Variants in ZNF821 observed in about 807,000 individuals in gnomAD.
ZNF821 encodes zinc finger protein 821.
Under a neutral mutation model 44.3 loss-of-function variants are expected in ZNF821, and 16 were observed. The observed-to-expected ratio is 0.36, with a 90% CI of 0.24 to 0.55. The LOEUF (loss-of-function observed/expected upper bound fraction) is 0.55. Ranked by LOEUF, ZNF821 falls within the 20% of genes least tolerant of loss-of-function variation. The probability of loss-of-function intolerance (pLI) is 0.86; values close to 1 mark genes in which losing one functional copy is unlikely to be tolerated. For synonymous variants in ZNF821, 204 were observed against 197.6 expected (o/e 1.03, Z -0.27); for missense variants, 436 against 547.6 (o/e 0.80, Z 2.03).
At position 71,861,844 on chromosome 16, in the gene ZNF821, G is replaced by A. The variant is rs1354221220; in HGVS notation, c.516C>T (p.His172=). The change falls in exon 7 of 8, where the codon CAC becomes CAT. Residue 172 remains histidine, a synonymous_variant. Transcript: ENST00000425432. ...PGSLGRHLLI[H]SEDQRSNCAV... ...CACAGTTAGATCGCTGGTCCTCCGA[G>A]TGGATTAAGAGGTGGCGACCCAATG... is the stretch of plus-strand genomic sequence containing the variant. 1.2e-6 allele frequency: 2 copies of A among 1,614,178 alleles called. No individual in the cohort carries two copies. Among genetic ancestry groups the A allele is most frequent in the Admixed American group, 1.7e-5 (1 of 60,016 alleles).
At chr16:71,872,485 C>T (rs1057469548) in intron 3 of ZNF821, among the ~76,000 whole-genome samples, 4 of 151,986 alleles carry the variant, frequency 2.6e-5, no homozygotes, top group African/African-American at 4.8e-5. Flanking sequence ...TGGTGGCAGG[C>T]GCCTGTAGTC....
intron 4 of ZNF821, among the ~76,000 whole-genome samples, chr16:71,865,379 G>A (rs1246418419): frequency 6.6e-6 from 1 of 152,028 alleles, no homozygotes; most frequent in African/African-American, 2.4e-5. Flanking sequence ...ACCTTACACT[G>A]AGCTCATTCC....
chr16:71,879,941 G>A lies in ZNF821; in HGVS notation c.6C>T (p.Ser2=), dbSNP rs753231254. The change falls in exon 3 of 8, where the codon TCC becomes TCT. Residue 2 remains serine, a synonymous_variant. Coordinates refer to ENST00000425432, the MANE Select transcript of ZNF821 (RefSeq NM_001201552.2). M[S]RRKQTNPNKV... ...TATTTGGATTTGTCTGTTTCCGACG[G>A]GACATGTTTCCCTGATGCAAGAGCT... 3.7e-6 allele frequency: 6 copies of A among 1,612,992 alleles called. No homozygotes were observed. The highest frequency in any genetic ancestry group is 5.1e-6 in the Non-Finnish European group (6 of 1,179,582).
intron 5 of ZNF821, 87 bp from the exon 6 acceptor site, chr16:71,864,329 AG>A: frequency 1.8e-6 from 2 of 1,141,362 alleles, no homozygotes; most frequent in East Asian, 2.4e-5. Context: ...TCCTGTTAAA[AG>A]GAACCCAGAC....
At chr16:71,886,065 A>G (rs958299909), upstream of ZNF821, among the ~76,000 whole-genome samples, 2 of 152,204 alleles carry the variant, frequency 1.3e-5, no homozygotes, top group Non-Finnish European at 2.9e-5. Context: ...CCTCCAGTGA[A>G]ATTTCTTGGA....
upstream of ZNF821, among the ~76,000 whole-genome samples, chr16:71,889,586 G>A (rs565807566): frequency 1.2e-3 from 186 of 152,160 alleles, 1 homozygote; most frequent in Non-Finnish European, 1.8e-3. Context: ...AGGCAGGAAA[G>A]TCACTTGAAC....
intron 3 of ZNF821, 45 bp downstream of exon 3, chr16:71,879,862 C>G: frequency 6.3e-7 from 1 of 1,592,548 alleles, no homozygotes; most frequent in South Asian, 1.1e-5. Context: ...TTCCATTCCA[C>G]CCCTTAGCAT....
Position 71,859,918 on chromosome 16 carries a change from G to A in ZNF821, c.*100C>T, listed in dbSNP as rs978710192. On this transcript the variant is annotated 3_prime_UTR_variant, in exon 8 of 8. Coordinates refer to ENST00000425432, the MANE Select transcript of ZNF821 (RefSeq NM_001201552.2). ...AACCCAGGCCTGCCTCTGGCAGCAAGGACAGGGCCTCGTGGGTGGCAGCAG... is the reference window on the plus strand; with the variant it reads ...AACCCAGGCCTGCCTCTGGCAGCAAAGACAGGGCCTCGTGGGTGGCAGCAG... 8 of 1,339,942 alleles carry A rather than the reference G, an allele frequency of 6.0e-6. No homozygotes were observed. The African/African-American group carries it at 8.9e-5, about 15-fold the overall frequency. The allele number at this position is 1,339,942 out of a possible 1,614,324, so 83.0% of individuals were successfully genotyped here.
rs1179262051 is a variant in ZNF821 at position 71,859,897 on chromosome 16, C to G, written c.*121G>C. 8.4e-7 allele frequency: 1 copy of G among 1,190,552 alleles called. No homozygotes were observed. The highest frequency in any genetic ancestry group is 1.1e-6 in the Non-Finnish European group (1 of 874,858). The allele number at this position is 1,190,552 out of a possible 1,614,324, so 73.7% of individuals were successfully genotyped here. ...TGCTCAGGTCCACCTGCAATAAACCCAGGCCTGCCTCTGGCAGCAAGGACA... is the reference window on the plus strand; with the variant it reads ...TGCTCAGGTCCACCTGCAATAAACCGAGGCCTGCCTCTGGCAGCAAGGACA... On this transcript the variant is annotated 3_prime_UTR_variant, in exon 8 of 8. Coordinates refer to ENST00000425432, the MANE Select transcript of ZNF821 (RefSeq NM_001201552.2).
Position 71,860,657 on chromosome 16 carries a change from T to C in ZNF821, c.600A>G (p.Glu200=), listed in dbSNP as rs747266242. 5.0e-6 allele frequency: 8 copies of C among 1,611,950 alleles called. No homozygotes were observed. The highest frequency in any genetic ancestry group is 6.8e-6 in the Non-Finnish European group (8 of 1,178,776). ...HATFNSEKLP[E]VLNMESLPTV... is the part of the protein sequence containing the mutation. ...TGGGTAGGGATTCCATATTTAGTAC[T>C]TCAGGAAGTTTCTCACTGGAAAGGA... The change falls in exon 8 of 8, where the codon GAA becomes GAG. Residue 200 remains glutamate (E), a synonymous_variant. Transcript: ENST00000425432. The surrounding 1 kb of genome is among the most constrained non-coding windows in gnomAD (Gnocchi z 7.3).
upstream of ZNF821, chr16:71,884,915 T>C (rs1032072719): frequency 7.0e-6 from 1 of 142,354 alleles, no homozygotes; most frequent in Non-Finnish European, 1.5e-5. Context: ...TGCAATGCAA[T>C]GGCGCGATCT....
intron 6 of ZNF821, among the ~76,000 whole-genome samples, chr16:71,863,175 C>A (rs1012820947): frequency 6.6e-6 from 1 of 152,094 alleles, no homozygotes; most frequent in Non-Finnish European, 1.5e-5. Flanking sequence ...GGATTACAGG[C>A]GTGAGCCACT....
Position 71,861,782 on chromosome 16 carries a change from A to C in ZNF821, c.578T>G (p.Phe193Cys). 1.9e-6 allele frequency: 3 copies of C among 1,614,028 alleles called. No individual in the cohort carries two copies. The highest frequency in any genetic ancestry group is 1.1e-5 in the South Asian group (1 of 91,078). ...GGATAAGTGCCCAGCTGACCTGTTAAAAGTGGCATGGCTGGTGAACCGGGC... is the reference window on the plus strand; with the variant it reads ...GGATAAGTGCCCAGCTGACCTGTTACAAGTGGCATGGCTGGTGAACCGGGC... ...CGARFTSHAT[F>C]NSEKLPEVLN... Residue 193 changes from phenylalanine to cysteine, a missense_variant, in exon 7 of 8, where the codon TTT (phenylalanine) becomes TGT (cysteine). Phe to Cys is a radical substitution (Grantham distance 205). Transcript: ENST00000425432.
At chr16:71,876,471 C>G (rs959432191) in intron 3 of ZNF821, among the ~76,000 whole-genome samples, 1 of 151,962 alleles carries the variant, frequency 6.6e-6, no homozygotes, top group African/African-American at 2.4e-5. Context: ...TCCCAAAGTG[C>G]TGGGATTACA....
chr16:71,893,029 C>CT (rs1199482590), intron 1 of ZNF821, among the ~76,000 whole-genome samples: 8,168 of 65,848 alleles, frequency 0.12, 1,070 homozygotes, highest in Middle Eastern at 0.19. Flanking sequence ...CCCTGCCTGG[C>CT]TTTTTTTTTT....
chr16:71,872,667 T>C (rs1299493967), intron 3 of ZNF821, among the ~76,000 whole-genome samples: 4 of 152,242 alleles, frequency 2.6e-5, no homozygotes, highest in South Asian at 2.1e-4. Context: ...TGAGCTAGTA[T>C]TGGGAGTGAG....
At position 71,867,957 on chromosome 16, in the gene ZNF821, G is replaced by A; in HGVS notation, c.121C>T (p.Gln41Ter). The change falls in exon 4 of 8, where the codon CAG becomes TAG. Residue 41 changes from glutamine (Q) to a stop codon, truncating the protein, a stop_gained. Coordinates refer to ENST00000425432, the MANE Select transcript of ZNF821 (RefSeq NM_001201552.2). LOFTEE classifies it high-confidence loss of function. The stretch of plus-strand genomic sequence containing the variant: ...CTTAGTTGTTGGATAGCTTGTCGCT[G>A]ACTGCCAAGGTCTCCAGGAAAATCA... ...KTDFPGDLGS[Q>*]RQAIQQLRDQ... The A allele has an allele frequency of 1.3e-6, 2 of 1,536,070 alleles. No individual in the cohort carries two copies. The highest frequency in any genetic ancestry group is 1.2e-5 in the South Asian group (1 of 84,040).
intron 1 of ZNF821, among the ~76,000 whole-genome samples, chr16:71,889,934 C>A (rs910806919): frequency 2.6e-5 from 4 of 152,092 alleles, no homozygotes; most frequent in Non-Finnish European, 5.9e-5. Flanking sequence ...TCAGCCTGCA[C>A]AACAGAGCGA....
intron 3 of ZNF821, among the ~76,000 whole-genome samples, chr16:71,870,759 C>T (rs942902250): frequency 6.6e-6 from 1 of 152,166 alleles, no homozygotes; most frequent in African/African-American, 2.4e-5. Flanking sequence ...GGATTACAAG[C>T]ATGAGCCACT....
Sources: gnomAD v4.1 joint callset for allele counts (sites outside exome capture counted in the v4.1 genomes callset) on GRCh38, gnomAD v4.1.1 for gene constraint, Gnocchi (gnomAD v3.1) non-coding constraint, MANE v1.5 for transcripts, NCBI Gene and HGNC (gene_info 2026-07-23, HGNC 2026-07-21) for gene names.